The following TTC33 variants were observed in gnomAD, a reference collection of about 807,000 sequenced individuals.
TTC33 encodes tetratricopeptide repeat domain 33.
Under a neutral mutation model 29.4 loss-of-function variants are expected in TTC33, and 24 were observed. That is an observed-to-expected ratio of 0.82 (90% confidence interval 0.59 to 1.15). TTC33 has a LOEUF of 1.15. Among genes scored for constraint, TTC33 ranks in the 50% most tolerant of loss-of-function variants. The pLI is 0.00. For synonymous variants in TTC33, 107 were observed against 100.3 expected (o/e 1.07, Z -0.40); for missense variants, 286 against 310.4 (o/e 0.92, Z 0.59).
chr5:40,727,658 C>T (rs1742318369), intron 4 of TTC33, among the ~76,000 whole-genome samples: 1 of 152,174 alleles, frequency 6.6e-6, no homozygotes, highest in Admixed American at 6.5e-5. Flanking sequence ...AATCTATCAG[C>T]GGTTTTGTCT....
intron 2 of TTC33, among the ~76,000 whole-genome samples, chr5:40,744,763 A>G (rs1414796457): frequency 6.6e-6 from 1 of 152,160 alleles, no homozygotes; most frequent in African/African-American, 2.4e-5. Flanking sequence ...AATTTTTCTA[A>G]TATATTTTCT....
chr5:40,724,933 A>G (rs1445232209), intron 4 of TTC33, among the ~76,000 whole-genome samples: 1 of 150,410 alleles, frequency 6.6e-6, no homozygotes, highest in Non-Finnish European at 1.5e-5. Flanking sequence ...GCTCACTGCA[A>G]CCTCCACCTG....
chr5:40,752,277 C>T (rs923857041), intron 1 of TTC33, among the ~76,000 whole-genome samples: 6 of 152,122 alleles, frequency 3.9e-5, no homozygotes, highest in Non-Finnish European at 5.9e-5. Context: ...AGCAATAAAG[C>T]GGTTTTTGCT....
chr5:40,738,439 AAATAAAATAC>A (rs1203696004), intron 2 of TTC33, among the ~76,000 whole-genome samples: 1,865 of 119,558 alleles, frequency 0.016, 104 homozygotes, highest in African/African-American at 0.027. Context: ...ATAAAATATA[AAATAAAATAC>A]AATACAATAC....
chr5:40,736,820 A>G (rs556077645), intron 2 of TTC33, among the ~76,000 whole-genome samples: 1 of 152,348 alleles, frequency 6.6e-6, no homozygotes, highest in East Asian at 1.9e-4. Flanking sequence ...TTATGCAGAT[A>G]GAAATGATAA....
chr5:40,738,005 CT>C (rs1200438715), intron 2 of TTC33, among the ~76,000 whole-genome samples: 41 of 152,176 alleles, frequency 2.7e-4, no homozygotes, highest in Admixed American at 2.0e-3. Flanking sequence ...ATTAATAAAG[CT>C]GCTAGAGACA....
intron 2 of TTC33, among the ~76,000 whole-genome samples, chr5:40,745,950 GC>G (rs1742780886): frequency 6.6e-6 from 1 of 151,914 alleles, no homozygotes; most frequent in African/African-American, 2.4e-5. Flanking sequence ...AATAAAAAAG[GC>G]CTTTTCCACC....
At position 40,715,941 on chromosome 5, in the gene TTC33, C is replaced by A; in HGVS notation, c.*204G>T. 2.3e-6 allele frequency: 1 copy of A among 441,406 alleles called. No homozygotes were observed. The highest frequency in any genetic ancestry group is 4.0e-6 in the Non-Finnish European group (1 of 253,020). 27.3% of individuals were successfully genotyped at this position (441,406 alleles called of 1,614,324 possible). A position where few individuals can be genotyped will look rare whatever the true frequency, so the allele number is the denominator to read the frequency against. On this transcript the variant is annotated 3_prime_UTR_variant, in exon 5 of 5. Coordinates refer to ENST00000337702, the MANE Select transcript of TTC33 (RefSeq NM_012382.3). ...AGACCATTTTACTCAGAATTTTAAC[C>A]TTGAGAAATATAAATCATAACTTAT...
chr5:40,744,781 G>C (rs966345647), intron 2 of TTC33, among the ~76,000 whole-genome samples: 2 of 151,934 alleles, frequency 1.3e-5, no homozygotes, highest in Non-Finnish European at 2.9e-5. Flanking sequence ...TCTTCACAGA[G>C]GACAATGCTT....
At chr5:40,733,565 T>C (rs970735701) in intron 2 of TTC33, among the ~76,000 whole-genome samples, 4 of 152,248 alleles carry the variant, frequency 2.6e-5, no homozygotes, top group African/African-American at 7.2e-5. Context: ...TCCTATTTTC[T>C]GCCCAACTCA....
At chr5:40,748,795 A>G (rs560739401) in intron 1 of TTC33, among the ~76,000 whole-genome samples, 2 of 152,324 alleles carry the variant, frequency 1.3e-5, no homozygotes, top group African/African-American at 4.8e-5. Flanking sequence ...AAAGATTCAA[A>G]CTTGGTAAAC....
rs114612879 is a variant in TTC33, at chr5:40,735,241, G to C, written c.222-4898C>G. On this transcript the variant is annotated intron_variant, in intron 2 of 4. Coordinates refer to ENST00000337702, the MANE Select transcript of TTC33 (RefSeq NM_012382.3). Reference sequence around the variant, plus strand: ...ATACAACAGTGAGACATGAATTATTGATTTACATTTTTAAAAGATCAGTCA... The same window carrying C: ...ATACAACAGTGAGACATGAATTATTCATTTACATTTTTAAAAGATCAGTCA... Among the ~76,000 whole-genome samples, 635 of 152,312 alleles carry C rather than the reference G, an allele frequency of 4.2e-3. 3 individuals carry two copies. The highest frequency in any genetic ancestry group is 0.015 in the African/African-American group (609 of 41,576).
intron 4 of TTC33, among the ~76,000 whole-genome samples, chr5:40,724,905 T>G (rs1177975073): frequency 6.7e-6 from 1 of 150,072 alleles, no homozygotes; most frequent in Non-Finnish European, 1.5e-5. Context: ...CATGCTGGAG[T>G]GCAGTGGTGC....
chr5:40,753,825 G>A (rs1249012162), intron 1 of TTC33, among the ~76,000 whole-genome samples: 1 of 152,122 alleles, frequency 6.6e-6, no homozygotes, highest in Non-Finnish European at 1.5e-5. Context: ...TGAGGCACCA[G>A]GCACTGTGGG....
intron 1 of TTC33, among the ~76,000 whole-genome samples, chr5:40,753,801 CT>C (rs1290792938): frequency 6.6e-6 from 1 of 152,008 alleles, no homozygotes; most frequent in Non-Finnish European, 1.5e-5. Flanking sequence ...ATGAAACTTT[CT>C]TTATTCATAA....
chr5:40,742,223 C>T (rs555016563), intron 2 of TTC33, among the ~76,000 whole-genome samples: 22 of 151,788 alleles, frequency 1.4e-4, no homozygotes, highest in Non-Finnish European at 2.9e-4. Context: ...TTTTTGTATC[C>T]GTTATTGGAT....
Position 40,712,814 on chromosome 5 carries a change from C to G in TTC33, c.*3331G>C, listed in dbSNP as rs1741923112. Among the ~76,000 whole-genome samples the G allele has an allele frequency of 6.6e-6, 1 of 152,130 alleles. No homozygotes were observed. On this transcript the variant is annotated 3_prime_UTR_variant, in exon 5 of 5. Transcript: ENST00000337702. ...AAGAAGCACTGTGAGAGGAAGCCAT[C>G]CTTACCCGCCGCTGCCTTCTGACCA...
At chr5:40,753,372 A>AAAG (rs753137657) in intron 1 of TTC33, among the ~76,000 whole-genome samples, 3 of 151,212 alleles carry the variant, frequency 2.0e-5, no homozygotes, top group African/African-American at 2.4e-5. Context: ...CTCAAAAAAA[A>AAAG]AAAGAAAGAA....
chr5:40,753,084 G>A (rs1742924695), intron 1 of TTC33, among the ~76,000 whole-genome samples: 1 of 152,170 alleles, frequency 6.6e-6, no homozygotes, highest in African/African-American at 2.4e-5. Context: ...AAATATACAG[G>A]CTGGGCGCGG....
Sources: allele counts gnomAD v4.1 joint callset (sites outside exome capture counted in the v4.1 genomes callset), GRCh38; gene constraint gnomAD v4.1.1; transcripts MANE v1.5; gene names NCBI Gene and HGNC (gene_info 2026-07-23, HGNC 2026-07-21).